Variants in TGFBI observed in about 807,000 individuals in gnomAD.
The protein encoded by TGFBI is transforming growth factor-beta-induced protein ig-h3.
A neutral mutation model predicts 73.7 loss-of-function variants in TGFBI; 50 were observed. The ratio of observed to expected loss-of-function variants is 0.68; its 90% confidence interval spans 0.54 to 0.86. TGFBI has a LOEUF of 0.86. Ranked by LOEUF, TGFBI falls within the 40% of genes least tolerant of loss-of-function variation. TGFBI has a pLI of 0.00. For synonymous variants in TGFBI, 362 were observed against 360.5 expected (o/e 1.00, Z -0.05); for missense variants, 839 against 877.0 (o/e 0.96, Z 0.55).
chr5:136,062,575 T>G, intron 15 of TGFBI, 88 bp from the exon 16 acceptor site: 1 of 1,355,272 alleles, frequency 7.4e-7, no homozygotes, highest in Non-Finnish European at 1.0e-6. Flanking sequence ...TTTTTCTGAG[T>G]AGGGGTGGCA....
rs1340311387 is a variant in TGFBI at position 136,055,172 on chromosome 5, T to C, written c.1410+311T>C. On this transcript the variant is annotated intron_variant, in intron 10 of 16. Transcript: ENST00000442011. ...GGAGTTCAGACTCTTTCTGAGCTTA[T>C]GAGAAGAGAAGCCCCCTAAACTAAA... 3 of 322,654 alleles carry C rather than the reference T, an allele frequency of 9.3e-6. No homozygotes were observed. The Admixed American group carries it at 1.4e-4, about 15-fold the overall frequency. 20.0% of individuals were successfully genotyped at this position (322,654 alleles called of 1,614,324 possible). A position where few individuals can be genotyped will look rare whatever the true frequency, so the allele number is the denominator to read the frequency against.
intron 2 of TGFBI, among the ~76,000 whole-genome samples, chr5:136,041,823 C>G (rs1751344207): frequency 6.6e-6 from 1 of 152,156 alleles, no homozygotes; most frequent in African/African-American, 2.4e-5. Context: ...AGTTGGTTTT[C>G]TTTTGTCCTC....
chr5:136,057,315 G>C (rs1181385407), intron 12 of TGFBI, among the ~76,000 whole-genome samples: 1 of 152,176 alleles, frequency 6.6e-6, no homozygotes, highest in African/African-American at 2.4e-5. Flanking sequence ...TTTCCCACTG[G>C]AGACCTATGA....
intron 1 of TGFBI, among the ~76,000 whole-genome samples, 193 bp from the exon 2 acceptor site, chr5:136,033,568 TCA>T (rs1751159890): frequency 6.6e-6 from 1 of 152,168 alleles, no homozygotes; most frequent in South Asian, 2.1e-4. Context: ...GGGGAAGCTT[TCA>T]TGGGGGCTGA....
At chr5:136,037,541 T>C (rs1751250108) in intron 2 of TGFBI, among the ~76,000 whole-genome samples, 2 of 152,162 alleles carry the variant, frequency 1.3e-5, no homozygotes, top group African/African-American at 4.8e-5. Flanking sequence ...GGAATAGTCA[T>C]AGCAGGAGCT....
chr5:136,061,090 G>T, intron 14 of TGFBI, 154 bp downstream of exon 14: 1 of 637,196 alleles, frequency 1.6e-6, no homozygotes, highest in Non-Finnish European at 2.7e-6. Flanking sequence ...AGTGAATTGG[G>T]AGCTGTTGGT....
At chr5:136,058,591 C>T (rs1368960309) in intron 12 of TGFBI, among the ~76,000 whole-genome samples, 1 of 152,196 alleles carries the variant, frequency 6.6e-6, no homozygotes, top group African/African-American at 2.4e-5. Flanking sequence ...CTTTTAAGTT[C>T]TCCCTTCAGG....
intron 1 of TGFBI, among the ~76,000 whole-genome samples, chr5:136,030,138 C>G (rs1751090837): frequency 6.6e-6 from 1 of 152,212 alleles, no homozygotes; most frequent in South Asian, 2.1e-4. Context: ...TTTTTCATAA[C>G]TAGGTAAAAC....
rs760563798 is a variant in TGFBI at position 136,046,367 on chromosome 5, G to A, written c.331G>A (p.Gly111Arg). The stretch of plus-strand genomic sequence containing the variant: ...ACTCTCAAACCTTTACGAGACCCTG[G>A]GAGTCGTTGGATCCACCACCACTCA... ...LPLSNLYETL[G>R]VVGSTTTQLY... The change falls in exon 4 of 17, where the codon GGA becomes AGA. Residue 111 changes from glycine to arginine, a missense_variant. By Grantham distance (125) the Gly-to-Arg change is moderately radical. Coordinates refer to ENST00000442011, the MANE Select transcript of TGFBI (RefSeq NM_000358.3). 26 of 1,613,816 alleles carry A rather than the reference G, an allele frequency of 1.6e-5. 1 individual carries two copies. In the South Asian group the frequency reaches 2.6e-4, roughly 16 times the overall value.
Position 136,044,136 on chromosome 5 carries a change from C to T in TGFBI, c.298+14C>T. ...GCTGTCCAGCAGGTGAATGAATCCT[C>T]CGGGCCTTGCCTGTTGGTGTGGGTG... On this transcript the variant is annotated intron_variant, in intron 3 of 16. Coordinates refer to ENST00000442011, the MANE Select transcript of TGFBI (RefSeq NM_000358.3). 1 of 1,609,806 alleles carries T rather than the reference C, an allele frequency of 6.2e-7. No homozygotes were observed. The highest frequency in any genetic ancestry group is 8.5e-7 in the Non-Finnish European group (1 of 1,176,896).
rs886059927 is a variant in TGFBI, at chr5:136,054,735, T to A, written c.1284T>A (p.Asp428Glu). The A allele has an allele frequency of 6.2e-7, 1 of 1,613,976 alleles. No individual in the cohort carries two copies. Among genetic ancestry groups the A allele is most frequent in the East Asian group, 2.2e-5 (1 of 44,866 alleles). Residue 428 changes from aspartate (D) to glutamate (E), a missense_variant, in exon 10 of 17, where the codon GAT becomes GAA. Coordinates refer to ENST00000442011, the MANE Select transcript of TGFBI (RefSeq NM_000358.3). ...TTGTAGATGGAACCCCTCCAATTGA[T>A]GCCCATACAAGGAATTTGCTTCGGA... The part of the protein sequence containing the change: ...SVFKDGTPPI[D>E]AHTRNLLRNH...
chr5:136,044,255 C>T (rs1751387641), intron 3 of TGFBI, 133 bp downstream of exon 3: 2 of 748,290 alleles, frequency 2.7e-6, no homozygotes, highest in Non-Finnish European at 4.6e-6. Flanking sequence ...TCCCCACGTG[C>T]CCACTGGCCC....
intron 16 of TGFBI, 68 bp from the exon 17 acceptor site, chr5:136,063,118 C>T: frequency 6.8e-7 from 1 of 1,466,362 alleles, no homozygotes; most frequent in South Asian, 1.2e-5. Flanking sequence ...CCTTGAGATT[C>T]TGACAGTGTC....
intron 11 of TGFBI, among the ~76,000 whole-genome samples, chr5:136,056,061 A>G (rs376925649): frequency 6.6e-6 from 1 of 151,888 alleles, no homozygotes; most frequent in Non-Finnish European, 1.5e-5. Context: ...GGGAGGGGGG[A>G]CTACATTTTT....
At chr5:136,045,523 C>T (rs1751412875) in intron 3 of TGFBI, among the ~76,000 whole-genome samples, 1 of 151,752 alleles carries the variant, frequency 6.6e-6, no homozygotes, top group Admixed American at 6.6e-5. Flanking sequence ...CCAGCCTGGG[C>T]AAGAAGAGCA....
At position 136,063,527 on chromosome 5, in the gene TGFBI, G is replaced by C; in HGVS notation, c.*301G>C. 1 of 371,258 alleles carries C rather than the reference G, an allele frequency of 2.7e-6. No homozygotes were observed. The highest frequency in any genetic ancestry group is 4.9e-6 in the Non-Finnish European group (1 of 202,326). The allele number at this position is 371,258 out of a possible 1,614,324, so 23.0% of individuals were successfully genotyped here. On this transcript the variant is annotated 3_prime_UTR_variant, in exon 17 of 17. Transcript: ENST00000442011. The stretch of plus-strand genomic sequence containing the variant: ...ATGTGGAATTGACTGCCTATGCCAA[G>C]TCCCTGGAAAAGGAGCTTCAGTATT...
intron 2 of TGFBI, 45 bp downstream of exon 2, chr5:136,033,906 G>A (rs1280265286): frequency 6.6e-7 from 1 of 1,521,440 alleles, no homozygotes; most frequent in Non-Finnish European, 9.1e-7. Context: ...TATGCACGCT[G>A]GCTGCAGTTC....
At chr5:136,047,722 C>A in intron 6 of TGFBI, 1 of 327,418 alleles carries the variant, frequency 3.1e-6, no homozygotes, top group Non-Finnish European at 5.7e-6. Context: ...CTGTGGCTTC[C>A]AGAGGTGGCA....
intron 1 of TGFBI, among the ~76,000 whole-genome samples, chr5:136,033,248 G>A (rs2126902107): frequency 6.6e-6 from 1 of 152,318 alleles, no homozygotes; most frequent in African/African-American, 2.4e-5. Context: ...AGGCTCCTGG[G>A]GGAAGTGGGA....
Sources: allele counts gnomAD v4.1 joint callset (sites outside exome capture counted in the v4.1 genomes callset), GRCh38; gene constraint gnomAD v4.1.1; transcripts MANE v1.5; gene names NCBI Gene and HGNC (gene_info 2026-07-23, HGNC 2026-07-21).